Variants in CTNNA3 observed in about 807,000 individuals in gnomAD.
CTNNA3 encodes catenin alpha 3, also known as catenin alpha-3.
Under a neutral mutation model 95.7 loss-of-function variants are expected in CTNNA3, and 76 were observed. That is an observed-to-expected ratio of 0.79 (90% CI 0.66 to 0.96). The LOEUF (loss-of-function observed/expected upper bound fraction) is 0.96. Ranked by LOEUF, CTNNA3 falls within the 40% of genes least tolerant of loss-of-function variation. CTNNA3 has a pLI of 0.00. For missense variants in CTNNA3, 1,191 were observed against 1,089.8 expected (o/e 1.09, Z -1.31); for synonymous variants, 431 against 374.4 (o/e 1.15, Z -1.74).
intron 12 of CTNNA3, among the ~76,000 whole-genome samples, chr10:66,336,756 G>A (rs1437642420): frequency 6.6e-6 from 1 of 151,822 alleles, no homozygotes; most frequent in Admixed American, 6.6e-5. Context: ...GTATAAACAG[G>A]GCCTAATTAA....
intron 12 of CTNNA3, among the ~76,000 whole-genome samples, chr10:66,339,052 T>C (rs558015928): frequency 6.6e-6 from 1 of 152,004 alleles, no homozygotes; most frequent in Admixed American, 6.5e-5. Context: ...AGTATCTTCA[T>C]CTGTAAAGGC....
At chr10:66,298,287 C>T (rs1435440949) in intron 12 of CTNNA3, among the ~76,000 whole-genome samples, 2 of 152,134 alleles carry the variant, frequency 1.3e-5, no homozygotes, top group African/African-American at 4.8e-5. Flanking sequence ...ATTAAGGAGA[C>T]ACAAGGCATT....
At chr10:66,420,835 A>AAATAAATAAATAAATAAATTAATTAATT (rs751801209) in intron 11 of CTNNA3, among the ~76,000 whole-genome samples, 6 of 92,994 alleles carry the variant, frequency 6.5e-5, no homozygotes, top group Non-Finnish European at 1.2e-4. Context: ...ATAAATAAAT[A>AAATAAATAAATAAATAAATTAATTAATT]AATAAAAAAC....
intron 7 of CTNNA3, among the ~76,000 whole-genome samples, chr10:66,814,255 AAAG>A (rs1166038812): frequency 1.1e-5 from 1 of 91,770 alleles, no homozygotes; most frequent in Admixed American, 1.4e-4. Flanking sequence ...TGTTTAAAGT[AAAG>A]GAGGAAAGAA....
At chr10:66,162,290 A>G (rs2084894601) in intron 13 of CTNNA3, among the ~76,000 whole-genome samples, 1 of 152,040 alleles carries the variant, frequency 6.6e-6, no homozygotes, top group Non-Finnish European at 1.5e-5. Context: ...TTGTTTTGTC[A>G]TATTACCAGG....
At chr10:67,694,770 C>A (rs1840932469) in intron 1 of CTNNA3, among the ~76,000 whole-genome samples, 1 of 151,890 alleles carries the variant, frequency 6.6e-6, no homozygotes. Context: ...AAAAAAAAGA[C>A]TAGAAGGAAA....
At chr10:66,029,918 T>A (rs1477719093) in intron 15 of CTNNA3, among the ~76,000 whole-genome samples, 1 of 152,186 alleles carries the variant, frequency 6.6e-6, no homozygotes, top group Non-Finnish European at 1.5e-5. Flanking sequence ...TAATGAGCAA[T>A]GTTCATAGTC....
chr10:66,316,763 T>C (rs569481744), intron 12 of CTNNA3, among the ~76,000 whole-genome samples: 1 of 152,240 alleles, frequency 6.6e-6, no homozygotes, highest in African/African-American at 2.4e-5. Flanking sequence ...ATGATATTAT[T>C]CAAGGACCTG....
At chr10:66,807,314 C>T (rs942253434) in intron 7 of CTNNA3, among the ~76,000 whole-genome samples, 1 of 152,038 alleles carries the variant, frequency 6.6e-6, no homozygotes, top group African/African-American at 2.4e-5. Flanking sequence ...CACTACTGTA[C>T]TAAAATCTCT....
intron 7 of CTNNA3, among the ~76,000 whole-genome samples, chr10:67,074,478 G>A (rs1447089627): frequency 6.7e-6 from 1 of 150,142 alleles, no homozygotes; most frequent in Admixed American, 6.7e-5. Context: ...AGCCTCCCGA[G>A]TAGCTGGGAC....
intron 5 of CTNNA3, among the ~76,000 whole-genome samples, chr10:67,410,927 T>C (rs536796436): frequency 8.2e-4 from 125 of 152,272 alleles, no homozygotes; most frequent in African/African-American, 2.7e-3. Flanking sequence ...GAGAACATTA[T>C]GTTACATAAA....
intron 5 of CTNNA3, among the ~76,000 whole-genome samples, chr10:67,507,612 C>G (rs1346405662): frequency 1.3e-5 from 2 of 151,544 alleles, no homozygotes; most frequent in African/African-American, 4.8e-5. Flanking sequence ...AAAGGAAAGC[C>G]CAGGACCTGA....
intron 5 of CTNNA3, among the ~76,000 whole-genome samples, chr10:67,357,439 T>TATGC: frequency 6.6e-6 from 1 of 152,162 alleles, no homozygotes; most frequent in Non-Finnish European, 1.5e-5. Flanking sequence ...TTCAATAAAA[T>TATGC]ATGCCATTTA....
In CTNNA3 at chr10:66,996,649, C is replaced by CAAAAAAAAAAAAAAAAAAAAA. The variant is rs57025097; in HGVS notation, c.1047+183647_1047+183667dup. On this transcript the variant is annotated intron_variant, in intron 7 of 17. Transcript: ENST00000433211. ...GTGAGAGAGTGAGACTCCGTCTCTA[C>CAAAAAAAAAAAAAAAAAAAAA]AAAAAAAAAAAAAAAAAAAAAAGCA... Among the ~76,000 whole-genome samples the CAAAAAAAAAAAAAAAAAAAAA allele has an allele frequency of 1.3e-4, 9 of 67,634 alleles. 1 individual carries two copies. Among genetic ancestry groups the CAAAAAAAAAAAAAAAAAAAAA allele is most frequent in the Admixed American group, 2.7e-4 (1 of 3,668 alleles). The allele number at this position is 67,634 out of a possible 152,430, so 44.4% of individuals were successfully genotyped here.
intron 11 of CTNNA3, among the ~76,000 whole-genome samples, chr10:66,465,612 C>T (rs1564990068): frequency 1.3e-5 from 2 of 152,094 alleles, no homozygotes; most frequent in South Asian, 2.1e-4. Context: ...AATCTCATGT[C>T]ACTGGTCTAC....
intron 7 of CTNNA3, among the ~76,000 whole-genome samples, chr10:66,817,976 C>G (rs1169568028): frequency 6.6e-6 from 1 of 151,752 alleles, no homozygotes; most frequent in African/African-American, 2.4e-5. Context: ...AAGGCAAGAC[C>G]GTTTCAACAT....
intron 12 of CTNNA3, among the ~76,000 whole-genome samples, chr10:66,332,818 G>A (rs930346616): frequency 1.3e-4 from 20 of 152,022 alleles, no homozygotes; most frequent in Admixed American, 2.6e-4. Flanking sequence ...GCTCCTCCTT[G>A]TACCTCTGGT....
rs144257839 is a variant in CTNNA3, at chr10:66,495,247, C to T, written c.1531+25370G>A. On this transcript the variant is annotated intron_variant, in intron 11 of 17. Coordinates refer to ENST00000433211, the MANE Select transcript of CTNNA3 (RefSeq NM_013266.4). ...TCTCAGAGTTCTTTATACATCCCACCGCCTTAGCAGCCAAACTCCGGGATT... is the reference window on the plus strand; with the variant it reads ...TCTCAGAGTTCTTTATACATCCCACTGCCTTAGCAGCCAAACTCCGGGATT... Among the ~76,000 whole-genome samples, 631 of 152,140 alleles carry T rather than the reference C, an allele frequency of 4.1e-3. 8 individuals are homozygous for T. The highest frequency in any genetic ancestry group is 0.015 in the African/African-American group (617 of 41,514).
At chr10:67,485,158 T>A (rs1848394974) in intron 5 of CTNNA3, among the ~76,000 whole-genome samples, 1 of 152,160 alleles carries the variant, frequency 6.6e-6, no homozygotes, top group African/African-American at 2.4e-5. Context: ...TGAAGTTGTG[T>A]CCTCTGCAGC....
Sources: allele counts gnomAD v4.1 joint callset (sites outside exome capture counted in the v4.1 genomes callset), GRCh38; gene constraint gnomAD v4.1.1; transcripts MANE v1.5; gene names NCBI Gene and HGNC (gene_info 2026-07-23, HGNC 2026-07-21).